Variants in TMPRSS6 observed in about 807,000 individuals in gnomAD.
The protein encoded by TMPRSS6 is transmembrane serine protease 6.
In TMPRSS6, 67 loss-of-function variants were observed where a neutral mutation model predicts 101.5. The observed-to-expected ratio is 0.66, with a 90% CI of 0.54 to 0.81. The LOEUF (loss-of-function observed/expected upper bound fraction) is 0.81, where lower values mean the gene tolerates loss of function less well. Ranked by LOEUF, TMPRSS6 falls within the 30% of genes least tolerant of loss-of-function variation. The pLI, the probability that TMPRSS6 is intolerant of heterozygous loss-of-function variation, is 0.00. For synonymous variants in TMPRSS6, 453 were observed against 464.9 expected, an observed-to-expected ratio of 0.97 and a Z score of 0.33; for missense variants, 1,034 against 1,088.7, an observed-to-expected ratio of 0.95 and a Z score of 0.71.
chr22:37,100,080 G>C (rs1930170062), intron 2 of TMPRSS6, among the ~76,000 whole-genome samples: 1 of 152,200 alleles, frequency 6.6e-6, no homozygotes, highest in South Asian at 2.1e-4. Flanking sequence ...CGATTCTCCT[G>C]CCTCAGCCTC....
In TMPRSS6 at chr22:37,071,038, A is replaced by G; in HGVS notation, c.1556-6T>C. The G allele has an allele frequency of 6.2e-7, 1 of 1,612,586 alleles. No homozygotes were observed. On this transcript the variant is annotated splice_region_variant and splice_polypyrimidine_tract_variant and intron_variant, in intron 13 of 17. Transcript: ENST00000676104. ...GAATGTCCCACATGGCACCCCTGGG[A>G]CAGAGGGGATGGGGGCAGGGCACAG...
chr22:37,080,839 G>A (rs1251534194), intron 10 of TMPRSS6, among the ~76,000 whole-genome samples: 1 of 152,270 alleles, frequency 6.6e-6, no homozygotes, highest in East Asian at 1.9e-4. Flanking sequence ...GTTGGCTGGG[G>A]ATGCCTTGGC....
Position 37,084,728 on chromosome 22 carries a change from G to A in TMPRSS6, c.1085C>T (p.Thr362Met), listed in dbSNP as rs144261072. The A allele has an allele frequency of 3.8e-5, 60 of 1,559,730 alleles. No individual in the cohort carries two copies. Among genetic ancestry groups the A allele is most frequent in the Middle Eastern group, 2.0e-4 (1 of 4,972 alleles). The part of the protein sequence containing the change: ...SPQTHCSWHL[T>M]VPSLDYGLAL... ...TGGGCAGGCAGGGTGGGGTCTCACCGTGAGGTGCCAGGAGCAGTGGGTTTG... is the reference window on the plus strand; with the variant it reads ...TGGGCAGGCAGGGTGGGGTCTCACCATGAGGTGCCAGGAGCAGTGGGTTTG... Residue 362 changes from threonine to methionine, a missense_variant and splice_region_variant, in exon 9 of 18, where the codon ACG (threonine) becomes ATG (methionine). Coordinates refer to ENST00000676104, the MANE Select transcript of TMPRSS6 (RefSeq NM_001374504.1).
At position 37,066,878 on chromosome 22, in the gene TMPRSS6, G is replaced by A. The variant is rs778294000; in HGVS notation, c.2198C>T (p.Thr733Met). The change falls in exon 17 of 18, where the codon ACG becomes ATG. Residue 733 changes from threonine (T) to methionine (M), a missense_variant. Physicochemically the swap from Thr to Met is moderately conservative, Grantham distance 81 (BLOSUM62 -1). Transcript: ENST00000676104. The part of the protein sequence containing the change: ...LCSEVYRYQV[T>M]PRMLCAGYRK... ...GTAGCCGGCACACAGCATGCGTGGC[G>A]TCACCTGGTAGCGATAGACCTCGCT... The A allele has an allele frequency of 7.4e-5, 119 of 1,614,034 alleles. 2 individuals carry two copies. The highest frequency in any genetic ancestry group is 8.9e-5 in the East Asian group (4 of 44,892).
At chr22:37,077,090 G>A (rs1927739861) in intron 10 of TMPRSS6, among the ~76,000 whole-genome samples, 1 of 152,198 alleles carries the variant, frequency 6.6e-6, no homozygotes, top group Non-Finnish European at 1.5e-5. Context: ...CTCCAGGTGT[G>A]TGGCTGGGGC....
chr22:37,077,023 T>TA (rs773522915), intron 10 of TMPRSS6, among the ~76,000 whole-genome samples: 1 of 152,224 alleles, frequency 6.6e-6, no homozygotes, highest in Non-Finnish European at 1.5e-5. Context: ...TTCAATAAGT[T>TA]AATCAATTCC....
At chr22:37,093,715 T>C (rs914379814) in intron 6 of TMPRSS6, among the ~76,000 whole-genome samples, 2 of 150,714 alleles carry the variant, frequency 1.3e-5, no homozygotes, top group African/African-American at 2.4e-5. Flanking sequence ...TTTTATATTT[T>C]TTAATAATTG....
intron 1 of TMPRSS6, among the ~76,000 whole-genome samples, chr22:37,105,589 C>G (rs1930666371): frequency 1.3e-5 from 2 of 152,166 alleles, no homozygotes; most frequent in South Asian, 4.1e-4. Context: ...TTGGGAAGAT[C>G]CCAGGTGATG....
At chr22:37,094,381 TGATAGATAGATAGATAGATA>T (rs67454685) in intron 6 of TMPRSS6, among the ~76,000 whole-genome samples, 4 of 131,046 alleles carry the variant, frequency 3.1e-5, no homozygotes, top group South Asian at 2.4e-4. Flanking sequence ...TAATGATTGA[TGATAGATAGATAGATAGATA>T]GATAGATAGA....
At chr22:37,104,526 T>C (rs796133456) in intron 1 of TMPRSS6, among the ~76,000 whole-genome samples, 5 of 152,236 alleles carry the variant, frequency 3.3e-5, no homozygotes, top group African/African-American at 9.6e-5. Context: ...CAAGCAAACA[T>C]CCCAATGTAT....
At chr22:37,067,242 G>T (rs187583287) in intron 16 of TMPRSS6, among the ~76,000 whole-genome samples, 67 of 152,170 alleles carry the variant, frequency 4.4e-4, no homozygotes, top group Non-Finnish European at 3.2e-4. Flanking sequence ...AGGCTGAGGC[G>T]GACGGAACAC....
At chr22:37,088,895 G>T (rs561502053) in intron 7 of TMPRSS6, among the ~76,000 whole-genome samples, 2 of 152,220 alleles carry the variant, frequency 1.3e-5, no homozygotes, top group Non-Finnish European at 2.9e-5. Flanking sequence ...AGGTAAGCAG[G>T]TTCTAAGAGG....
intron 6 of TMPRSS6, among the ~76,000 whole-genome samples, chr22:37,090,871 G>A (rs1241255149): frequency 2.6e-5 from 4 of 152,306 alleles, no homozygotes; most frequent in South Asian, 2.1e-4. Context: ...GGGAGACGGA[G>A]CAGGTAGGGC....
chr22:37,096,222 A>G, intron 4 of TMPRSS6, 132 bp from the exon 5 acceptor site: 2 of 1,032,282 alleles, frequency 1.9e-6, no homozygotes, highest in Non-Finnish European at 1.5e-6. Context: ...GAAGCCTCCT[A>G]GCGACCTCTG....
At position 37,066,089 on chromosome 22, in the gene TMPRSS6, C is replaced by G. The variant is rs376783949; in HGVS notation, c.2400G>C (p.Val800=). The change falls in exon 18 of 18, where the codon GTG becomes GTC. Residue 800 remains valine, a synonymous_variant. Transcript: ENST00000676104. Reference sequence around the variant, plus strand: ...GCAGGGGGGCAGTTCCTCAGGTCACCACTTGCTGGATCCAGCTGATCACAC... The same window carrying G: ...GCAGGGGGGCAGTTCCTCAGGTCACGACTTGCTGGATCCAGCTGATCACAC... The part of the protein sequence containing the change: ...ITGVISWIQQ[V]VT 2.5e-6 allele frequency: 4 copies of G among 1,613,518 alleles called. No homozygotes were observed. The highest frequency in any genetic ancestry group is 1.6e-4 in the Middle Eastern group (1 of 6,078).
At chr22:37,109,978 T>C (rs1187393445), upstream of TMPRSS6, among the ~76,000 whole-genome samples, 2 of 151,726 alleles carry the variant, frequency 1.3e-5, no homozygotes, top group East Asian at 1.9e-4. Flanking sequence ...TCCAGGTGCT[T>C]ACCTGGACAG....
intron 3 of TMPRSS6, among the ~76,000 whole-genome samples, chr22:37,097,103 G>A (rs1489986294): frequency 2.0e-5 from 3 of 152,220 alleles, no homozygotes; most frequent in African/African-American, 4.8e-5. Flanking sequence ...CAACTACAGC[G>A]CTGCTGGCAG....
chr22:37,076,368 G>A (rs569934400), intron 10 of TMPRSS6, among the ~76,000 whole-genome samples: 8 of 152,246 alleles, frequency 5.3e-5, no homozygotes, highest in South Asian at 4.1e-4. Context: ...ATGGCCACAC[G>A]GGGTGGGACC....
intron 3 of TMPRSS6, among the ~76,000 whole-genome samples, chr22:37,097,384 G>A (rs535773133): frequency 4.6e-5 from 7 of 152,252 alleles, no homozygotes; most frequent in East Asian, 3.8e-4. Context: ...CCATGAATGC[G>A]CAGTGTAGAG....
Sources: gnomAD v4.1 joint callset for allele counts (sites outside exome capture counted in the v4.1 genomes callset) on GRCh38, gnomAD v4.1.1 for gene constraint, MANE v1.5 for transcripts, NCBI Gene and HGNC (gene_info 2026-07-23, HGNC 2026-07-21) for gene names.